Variants in TBL1XR1 observed in about 807,000 individuals in gnomAD.
TBL1XR1 encodes TBL1X/Y related 1.
TBL1XR1 carries 5 observed loss-of-function variants against 66.9 expected under a neutral mutation model. The ratio of observed to expected loss-of-function variants is 0.07; its 90% confidence interval spans 0.04 to 0.16. TBL1XR1 has a LOEUF of 0.16. Among genes scored for constraint, TBL1XR1 ranks in the 10% least tolerant of loss-of-function variants. TBL1XR1 has a pLI of 1.00. For synonymous variants in TBL1XR1, 210 were observed against 206.0 expected, an observed-to-expected ratio of 1.02 and a Z score of -0.17; for missense variants, 238 against 623.2, an observed-to-expected ratio of 0.38 and a Z score of 6.58.
In TBL1XR1 at chr3:177,033,145, G is replaced by A. The variant is rs1383817613; in HGVS notation, c.1251-9C>T. The A allele has an allele frequency of 1.3e-5, 20 of 1,506,620 alleles. No homozygotes were observed. Among genetic ancestry groups the A allele is most frequent in the South Asian group, 2.7e-5 (2 of 74,726 alleles). The allele number at this position is 1,506,620 out of a possible 1,614,324, so 93.3% of individuals were successfully genotyped here. A position where few individuals can be genotyped will look rare whatever the true frequency, so the allele number is the denominator to read the frequency against. On this transcript the variant is annotated splice_polypyrimidine_tract_variant and intron_variant, in intron 13 of 15. Transcript: ENST00000457928. ...TAGAATCAAAGGATGCACTGAAAAAGGAAGGAAAGAAAGTTAATTTATAAG... is the reference window on the plus strand; with the variant it reads ...TAGAATCAAAGGATGCACTGAAAAAAGAAGGAAAGAAAGTTAATTTATAAG...
intron 2 of TBL1XR1, among the ~76,000 whole-genome samples, chr3:177,077,831 G>A (rs1318543530): frequency 6.6e-6 from 1 of 152,174 alleles, no homozygotes; most frequent in African/African-American, 2.4e-5. Flanking sequence ...ACCCCTAAGT[G>A]CAGTTTTATT....
At chr3:177,141,852 G>A (rs1200329741) in intron 1 of TBL1XR1, among the ~76,000 whole-genome samples, 4 of 152,170 alleles carry the variant, frequency 2.6e-5, no homozygotes, top group African/African-American at 7.2e-5. Flanking sequence ...TATATATACA[G>A]TGAAACATTA....
intron 1 of TBL1XR1, among the ~76,000 whole-genome samples, chr3:177,139,277 T>C (rs553829876): frequency 6.6e-6 from 1 of 152,280 alleles, no homozygotes; most frequent in Admixed American, 6.5e-5. Context: ...ATCCCAGCAC[T>C]TTGGGAGGCC....
At chr3:177,087,051 G>GGGAGAGGTA (rs1722219608) in intron 2 of TBL1XR1, 1 of 145,122 alleles carries the variant, frequency 6.9e-6, no homozygotes, top group Non-Finnish European at 1.5e-5. Context: ...TCTGAGGGGT[G>GGGAGAGGTA]GGAGAGGTAG....
chr3:177,033,212 A>G (rs1376820506), intron 13 of TBL1XR1, 76 bp from the exon 14 acceptor site: 13 of 1,288,012 alleles, frequency 1.0e-5, no homozygotes, highest in Non-Finnish European at 1.3e-5. Context: ...CCAACCTCCC[A>G]TATTCAGCCA....
At chr3:177,028,354 C>T (rs1713453053) in intron 14 of TBL1XR1, among the ~76,000 whole-genome samples, 1 of 152,182 alleles carries the variant, frequency 6.6e-6, no homozygotes, top group Non-Finnish European at 1.5e-5. Flanking sequence ...AACAGTTGGT[C>T]AAATGCCCTT....
chr3:177,127,916 T>A (rs1269568483), intron 1 of TBL1XR1, among the ~76,000 whole-genome samples: 1 of 152,186 alleles, frequency 6.6e-6, no homozygotes, highest in African/African-American at 2.4e-5. Flanking sequence ...TATCAACGTA[T>A]AATCAAAACA....
intron 2 of TBL1XR1, among the ~76,000 whole-genome samples, chr3:177,078,457 A>ACT (rs755216306): frequency 1.3e-5 from 2 of 151,670 alleles, no homozygotes; most frequent in Non-Finnish European, 2.9e-5. Context: ...TGGTGGCATG[A>ACT]ACCTGTAGTC....
Position 177,051,561 on chromosome 3 carries a change from C to G in TBL1XR1, c.370G>C (p.Ala124Pro). The change falls in exon 5 of 16, where the codon GCA (alanine) becomes CCA (proline). Residue 124 changes from alanine to proline, a missense_variant. Physicochemically the swap from Ala to Pro is conservative, Grantham distance 27. Around this residue, in one of 8 missense-constraint regions of TBL1XR1, gnomAD observed 80 missense variants for 100.5 expected, o/e 0.80. Coordinates refer to ENST00000457928, the MANE Select transcript of TBL1XR1 (RefSeq NM_024665.7). The stretch of plus-strand genomic sequence containing the variant: ...TTTGCTGTGTTTTCTCCATTTTTTG[C>G]AGATCCTTGTTGGCTGGCTGCAGCT... ...AAAAASQQGS[A>P]KNGENTANGE... is the part of the protein sequence containing the mutation. 1 of 1,613,502 alleles carries G rather than the reference C, an allele frequency of 6.2e-7. No individual in the cohort carries two copies. The highest frequency in any genetic ancestry group is 8.5e-7 in the Non-Finnish European group (1 of 1,179,660).
chr3:177,066,062 T>C (rs1719121855), intron 2 of TBL1XR1, among the ~76,000 whole-genome samples: 1 of 152,126 alleles, frequency 6.6e-6, no homozygotes, highest in Non-Finnish European at 1.5e-5. Flanking sequence ...AAAAATGATA[T>C]ATTCACATCT....
intron 1 of TBL1XR1, among the ~76,000 whole-genome samples, chr3:177,122,092 T>C (rs142855285): frequency 2.4e-4 from 36 of 152,272 alleles, no homozygotes; most frequent in African/African-American, 8.7e-4. Flanking sequence ...TTTTATTCTA[T>C]TAATTAAAAG....
chr3:177,085,820 T>C (rs1029580809), intron 2 of TBL1XR1, among the ~76,000 whole-genome samples: 5 of 152,174 alleles, frequency 3.3e-5, no homozygotes, highest in East Asian at 3.8e-4. Context: ...CTTTCAATCC[T>C]ATTATTCTAT....
At chr3:177,174,159 C>A (rs1259600675) in intron 1 of TBL1XR1, among the ~76,000 whole-genome samples, 2 of 151,976 alleles carry the variant, frequency 1.3e-5, no homozygotes, top group East Asian at 3.9e-4. Context: ...CACGCCTGTA[C>A]TCCCAGCACT....
At chr3:177,112,864 G>A (rs575845007) in intron 1 of TBL1XR1, among the ~76,000 whole-genome samples, 4 of 152,116 alleles carry the variant, frequency 2.6e-5, no homozygotes, top group Admixed American at 1.3e-4. Flanking sequence ...TTAGTCGGGC[G>A]TGGTACCATG....
At chr3:177,137,216 G>A (rs1729102463) in intron 1 of TBL1XR1, among the ~76,000 whole-genome samples, 1 of 152,252 alleles carries the variant, frequency 6.6e-6, no homozygotes, top group South Asian at 2.1e-4. Context: ...GGCCCGGCAT[G>A]GCATGGTGGC....
chr3:177,085,688 A>G (rs966725163), intron 2 of TBL1XR1, among the ~76,000 whole-genome samples: 1 of 152,220 alleles, frequency 6.6e-6, no homozygotes, highest in Admixed American at 6.5e-5. Flanking sequence ...ATCTTCCTGA[A>G]TAAGAGATTA....
intron 1 of TBL1XR1, among the ~76,000 whole-genome samples, chr3:177,113,652 G>A (rs1725932105): frequency 6.6e-6 from 1 of 151,988 alleles, no homozygotes; most frequent in African/African-American, 2.4e-5. Context: ...GCAACATATG[G>A]AGACCCCATC....
intron 1 of TBL1XR1, among the ~76,000 whole-genome samples, chr3:177,134,983 G>GTGTGTGTGTGTGTGTC (rs1409283754): frequency 2.1e-5 from 3 of 145,608 alleles, no homozygotes; most frequent in African/African-American, 7.9e-5. Flanking sequence ...GTGTGTCTGT[G>GTGTGTGTGTGTGTGTC]TGTGTGTGTT....
intron 1 of TBL1XR1, among the ~76,000 whole-genome samples, chr3:177,162,150 T>A (rs1464579326): frequency 6.6e-6 from 1 of 152,228 alleles, no homozygotes; most frequent in African/African-American, 2.4e-5. Flanking sequence ...AGCAGTTTTA[T>A]TCAGAATAGC....
Sources: allele counts gnomAD v4.1 joint callset (sites outside exome capture counted in the v4.1 genomes callset), GRCh38; gene constraint gnomAD v4.1.1; regional missense constraint gnomAD v4.1.1; transcripts MANE v1.5; gene names NCBI Gene and HGNC (gene_info 2026-07-23, HGNC 2026-07-21).